The following IL33 variants were observed in gnomAD, a reference collection of about 807,000 sequenced individuals.
The protein encoded by IL33 is interleukin-33.
Under a neutral mutation model 27.3 loss-of-function variants are expected in IL33, and 37 were observed. The ratio of observed to expected loss-of-function variants is 1.36; its 90% CI spans 1.04 to 1.78. IL33 has a LOEUF of 1.78. IL33 is among the 40% of genes most tolerant of loss of function. The pLI is 0.00. For missense variants in IL33, 406 were observed against 311.4 expected, an observed-to-expected ratio of 1.30 and a Z score of -2.29; for synonymous variants, 132 against 102.9, an observed-to-expected ratio of 1.28 and a Z score of -1.71.
chr9:6,217,664 G>C (rs565756952), intron 1 of IL33, among the ~76,000 whole-genome samples: 14 of 152,250 alleles, frequency 9.2e-5, no homozygotes, highest in African/African-American at 3.1e-4. Flanking sequence ...CATCAGTTTT[G>C]CTACTATTCT....
intron 2 of IL33, 22 bp downstream of exon 2, chr9:6,241,807 G>C: frequency 6.5e-7 from 1 of 1,529,644 alleles, no homozygotes; most frequent in Non-Finnish European, 9.0e-7. Context: ...AGTTATCTCT[G>C]AATGTTTTAC....
In IL33 at chr9:6,250,481, A is replaced by G. The variant is rs756352838; in HGVS notation, c.99A>G (p.Gln33=). ...KALCFKLGKS[Q]QKAKEVCPMY... ...AGTTTTTCAATTGTTTAGAATCCCA[A>G]CAGAAGGCCAAAGAAGTTTGCCCCA... The change falls in exon 3 of 8, where the codon CAA becomes CAG. Residue 33 remains glutamine (Q), a synonymous_variant. Coordinates refer to ENST00000682010, the MANE Select transcript of IL33 (RefSeq NM_033439.4). 1.2e-6 allele frequency: 2 copies of G among 1,613,274 alleles called. No individual in the cohort carries two copies. The highest frequency in any genetic ancestry group is 1.7e-6 in the Non-Finnish European group (2 of 1,179,656).
At chr9:6,252,811 T>C in intron 4 of IL33, 55 bp from the exon 5 acceptor site, 7 of 1,587,652 alleles carry the variant, frequency 4.4e-6, no homozygotes, top group Non-Finnish European at 5.1e-6. Flanking sequence ...GAGCATTTTT[T>C]AAAAAGGTTG....
intron 2 of IL33, among the ~76,000 whole-genome samples, chr9:6,249,003 G>A (rs1816176384): frequency 6.6e-6 from 1 of 152,186 alleles, no homozygotes; most frequent in Non-Finnish European, 1.5e-5. Flanking sequence ...TAAGTACAAT[G>A]CTGGCTCTGG....
chr9:6,255,941 G>A (rs1306213711), intron 7 of IL33, 27 bp from the exon 8 acceptor site: 13 of 1,594,446 alleles, frequency 8.2e-6, no homozygotes, highest in African/African-American at 1.3e-5. Context: ...ATTCACATAT[G>A]GATTGCTTTC....
intron 1 of IL33, among the ~76,000 whole-genome samples, chr9:6,221,736 G>A (rs1236189521): frequency 6.6e-6 from 1 of 152,032 alleles, no homozygotes; most frequent in Non-Finnish European, 1.5e-5. Context: ...ATGGCAGTTC[G>A]CTGTACATAT....
At chr9:6,248,603 C>T (rs1376770119) in intron 2 of IL33, among the ~76,000 whole-genome samples, 2 of 151,590 alleles carry the variant, frequency 1.3e-5, no homozygotes, top group African/African-American at 2.4e-5. Context: ...GAGACAGGGT[C>T]GCACTCTGTC....
intron 1 of IL33, among the ~76,000 whole-genome samples, chr9:6,237,186 T>C (rs17498168): frequency 0.022 from 3,369 of 152,272 alleles, 53 homozygotes; most frequent in South Asian, 0.038. Context: ...CTGTATATCA[T>C]TGGGAATAGC....
intron 1 of IL33, among the ~76,000 whole-genome samples, chr9:6,237,782 A>T (rs1021171752): frequency 6.6e-6 from 1 of 152,220 alleles, no homozygotes; most frequent in Non-Finnish European, 1.5e-5. Context: ...ACTTTTTTGA[A>T]TGACCAGGAA....
chr9:6,238,449 T>C lies in IL33; in HGVS notation c.-11-3235T>C, dbSNP rs148296490. On this transcript the variant is annotated intron_variant, in intron 1 of 7. Coordinates refer to ENST00000682010, the MANE Select transcript of IL33 (RefSeq NM_033439.4). Reference sequence around the variant, plus strand: ...TCTTCAACTGGCTGACCATTGAGGATTTTGCACATGGGACTGGATGTAAAT... The same window carrying C: ...TCTTCAACTGGCTGACCATTGAGGACTTTGCACATGGGACTGGATGTAAAT... Among the ~76,000 whole-genome samples the C allele has an allele frequency of 7.9e-5, 12 of 152,246 alleles. No homozygotes were observed. The East Asian group carries it at 2.3e-3, about 29-fold the overall frequency.
intron 1 of IL33, among the ~76,000 whole-genome samples, chr9:6,238,261 T>G (rs943374709): frequency 3.9e-5 from 6 of 152,136 alleles, no homozygotes; most frequent in Non-Finnish European, 5.9e-5. Flanking sequence ...TCTGTAAAGT[T>G]AGGGGCTCAG....
At chr9:6,255,778 C>G (rs753376922) in intron 7 of IL33, among the ~76,000 whole-genome samples, 190 bp from the exon 8 acceptor site, 4 of 152,070 alleles carry the variant, frequency 2.6e-5, no homozygotes, top group Non-Finnish European at 5.9e-5. Flanking sequence ...TGAATCAAAT[C>G]AAATCCACCC....
At chr9:6,253,490 T>A (rs1200038159) in intron 5 of IL33, 62 bp from the exon 6 acceptor site, 1 of 1,124,212 alleles carries the variant, frequency 8.9e-7, no homozygotes, top group African/African-American at 1.5e-5. Flanking sequence ...TATGTGTGTG[T>A]TGGAACTGAA....
intron 2 of IL33, among the ~76,000 whole-genome samples, chr9:6,246,268 T>C (rs1564067400): frequency 6.6e-6 from 1 of 151,756 alleles, no homozygotes; most frequent in Non-Finnish European, 1.5e-5. Flanking sequence ...GCGATAGTAT[T>C]AAGAGGTGGA....
chr9:6,243,644 C>A (rs776007500), intron 2 of IL33, among the ~76,000 whole-genome samples: 3 of 152,148 alleles, frequency 2.0e-5, no homozygotes, highest in Admixed American at 1.3e-4. Flanking sequence ...CATGAACCAC[C>A]GCACTTGGCC....
At chr9:6,244,831 C>T (rs556077783) in intron 2 of IL33, among the ~76,000 whole-genome samples, 3 of 152,212 alleles carry the variant, frequency 2.0e-5, no homozygotes, top group Non-Finnish European at 4.4e-5. Flanking sequence ...ACATTTAATT[C>T]CTTCTCTTCT....
At chr9:6,224,619 G>A (rs1818551126) in intron 1 of IL33, among the ~76,000 whole-genome samples, 1 of 152,196 alleles carries the variant, frequency 6.6e-6, no homozygotes, top group South Asian at 2.1e-4. Context: ...CCTTGGTTAA[G>A]CAATCTGTTT....
At position 6,256,704 on chromosome 9, in the gene IL33, C is replaced by T. The variant is rs1010597382; in HGVS notation, c.*536C>T. 1 of 188,472 alleles carries T rather than the reference C, an allele frequency of 5.3e-6. No homozygotes were observed. The highest frequency in any genetic ancestry group is 2.3e-5 in the African/African-American group (1 of 43,218). 11.7% of individuals were successfully genotyped at this position (188,472 alleles called of 1,614,324 possible). A position where few individuals can be genotyped will look rare whatever the true frequency, so the allele number is the denominator to read the frequency against. ...TTGTTTGTAGATGTCTTAGGCAACACTCAGAGCAGATCTCCCTTACTGTCA... is the reference window on the plus strand; with the variant it reads ...TTGTTTGTAGATGTCTTAGGCAACATTCAGAGCAGATCTCCCTTACTGTCA... On this transcript the variant is annotated 3_prime_UTR_variant, in exon 8 of 8. Coordinates refer to ENST00000682010, the MANE Select transcript of IL33 (RefSeq NM_033439.4).
intron 1 of IL33, among the ~76,000 whole-genome samples, chr9:6,225,928 A>T (rs1047448171): frequency 1.3e-5 from 2 of 152,102 alleles, no homozygotes; most frequent in Non-Finnish European, 2.9e-5. Flanking sequence ...AAGGCTCATT[A>T]TGATGCCCTG....
Sources: gnomAD v4.1 joint callset for allele counts (sites outside exome capture counted in the v4.1 genomes callset) on GRCh38, gnomAD v4.1.1 for gene constraint, MANE v1.5 for transcripts, NCBI Gene and HGNC (gene_info 2026-07-23, HGNC 2026-07-21) for gene names.